The following GPC5 variants were observed in gnomAD, a reference collection of about 807,000 sequenced individuals.
GPC5 encodes the protein glypican 5, also known as glypican-5.
In GPC5, 47 loss-of-function variants were observed where a neutral mutation model predicts 53.9. The observed-to-expected ratio is 0.87, with a 90% CI of 0.69 to 1.11. GPC5 has a LOEUF of 1.11. GPC5 is among the 50% of genes most tolerant of loss of function. The pLI is 0.00. For missense variants in GPC5, 748 were observed against 713.1 expected (o/e 1.05, Z -0.56); for synonymous variants, 286 against 263.3 (o/e 1.09, Z -0.84).
At chr13:92,281,094 G>A (rs1228968048) in intron 7 of GPC5, among the ~76,000 whole-genome samples, 2 of 152,334 alleles carry the variant, frequency 1.3e-5, no homozygotes, top group African/African-American at 4.8e-5. Context: ...CACACTGGGA[G>A]ATAATATCCC....
chr13:91,620,782 G>C (rs568850336), intron 2 of GPC5, among the ~76,000 whole-genome samples: 1 of 152,238 alleles, frequency 6.6e-6, no homozygotes, highest in South Asian at 2.1e-4. Flanking sequence ...TTGGTCTGGA[G>C]GTTGGAAGTG....
At chr13:92,714,593 G>C (rs115512292) in intron 7 of GPC5, among the ~76,000 whole-genome samples, 14 of 152,016 alleles carry the variant, frequency 9.2e-5, no homozygotes, top group Non-Finnish European at 1.5e-4. Flanking sequence ...AGATATCATC[G>C]TTCTCTCTTT....
chr13:92,411,074 AAAAC>A (rs572830782), intron 7 of GPC5, among the ~76,000 whole-genome samples: 6 of 152,228 alleles, frequency 3.9e-5, no homozygotes, highest in Middle Eastern at 3.4e-3. Context: ...CTGTCTCTCC[AAAAC>A]AAACAAACAA....
chr13:91,404,557 T>G (rs1566366725), intron 1 of GPC5, among the ~76,000 whole-genome samples: 2 of 152,220 alleles, frequency 1.3e-5, no homozygotes, highest in African/African-American at 4.8e-5. Flanking sequence ...CTTTTCAGTT[T>G]TAGTAAATCT....
At chr13:91,718,133 T>C (rs970786829) in intron 3 of GPC5, among the ~76,000 whole-genome samples, 6 of 151,752 alleles carry the variant, frequency 4.0e-5, no homozygotes, top group African/African-American at 1.5e-4. Context: ...GTTGTTGAGA[T>C]GGAGTCTCTC....
At chr13:92,014,284 G>A (rs1422177797) in intron 6 of GPC5, among the ~76,000 whole-genome samples, 2 of 152,276 alleles carry the variant, frequency 1.3e-5, no homozygotes, top group Non-Finnish European at 1.5e-5. Flanking sequence ...TTTCTTGCTT[G>A]ATATGCTGAT....
chr13:91,442,381 C>CT, intron 1 of GPC5, among the ~76,000 whole-genome samples: 1 of 152,256 alleles, frequency 6.6e-6, no homozygotes, highest in South Asian at 2.1e-4. Context: ...TATGTCTCTC[C>CT]TTTTTTATTG....
intron 7 of GPC5, among the ~76,000 whole-genome samples, chr13:92,443,147 T>C (rs577734258): frequency 1.3e-4 from 20 of 152,282 alleles, no homozygotes; most frequent in African/African-American, 4.3e-4. Flanking sequence ...TGTCACATGG[T>C]GTGAGAGCAA....
At chr13:92,233,705 C>T (rs571409685) in intron 7 of GPC5, among the ~76,000 whole-genome samples, 9 of 151,986 alleles carry the variant, frequency 5.9e-5, no homozygotes, top group East Asian at 5.8e-4. Context: ...ATGTGCACAA[C>T]GTGCAGATGA....
intron 7 of GPC5, among the ~76,000 whole-genome samples, chr13:92,253,689 CTAAG>C (rs530692383): frequency 8.9e-4 from 135 of 151,392 alleles, no homozygotes; most frequent in Non-Finnish European, 1.7e-3. Context: ...TTAAAATACT[CTAAG>C]TAAGTGAATA....
chr13:91,835,051 A>AAAAAAAATC (rs2038707552), intron 5 of GPC5, among the ~76,000 whole-genome samples: 1 of 151,616 alleles, frequency 6.6e-6, no homozygotes, highest in Admixed American at 6.6e-5. Context: ...AATTTACAAG[A>AAAAAAAATC]AAACAACCCC....
At chr13:91,610,472 G>A (rs1408429478) in intron 2 of GPC5, among the ~76,000 whole-genome samples, 3 of 152,116 alleles carry the variant, frequency 2.0e-5, no homozygotes, top group African/African-American at 7.2e-5. Flanking sequence ...AAAGGGATAG[G>A]CTATTAAGAA....
At chr13:91,754,209 G>A (rs1389592990) in intron 4 of GPC5, among the ~76,000 whole-genome samples, 1 of 152,102 alleles carries the variant, frequency 6.6e-6, no homozygotes, top group Non-Finnish European at 1.5e-5. Context: ...TAGATAAAAT[G>A]CTGTAGAGAA....
chr13:92,367,312 T>G (rs9589522), intron 7 of GPC5, among the ~76,000 whole-genome samples: 43,744 of 152,088 alleles, frequency 0.29, 6,492 homozygotes, highest in South Asian at 0.4. Context: ...CAAACAATAT[T>G]TAATTTTAAT....
At chr13:92,706,000 A>G (rs1961287157) in intron 7 of GPC5, 1 of 151,870 alleles carries the variant, frequency 6.6e-6, no homozygotes, top group Non-Finnish European at 1.5e-5. Context: ...AGGTGGAAGG[A>G]TCCCTTGAGC....
intron 5 of GPC5, among the ~76,000 whole-genome samples, chr13:91,845,494 T>C (rs1411718986): frequency 6.6e-6 from 1 of 152,182 alleles, no homozygotes; most frequent in Non-Finnish European, 1.5e-5. Flanking sequence ...TAAGAACACT[T>C]AAGATCTGCT....
chr13:92,200,785 G>A (rs1327781566), intron 7 of GPC5, among the ~76,000 whole-genome samples: 2 of 152,206 alleles, frequency 1.3e-5, no homozygotes, highest in Non-Finnish European at 2.9e-5. Context: ...GACGAGCCCT[G>A]GTCAGGTGGC....
chr13:91,503,772 C>T (rs1447163650), intron 2 of GPC5, among the ~76,000 whole-genome samples: 1 of 106,078 alleles, frequency 9.4e-6, no homozygotes, highest in East Asian at 2.6e-4. Flanking sequence ...GAGTGAGACT[C>T]TGTCTCAAAA....
At chr13:91,403,508 G>A (rs1298727670) in intron 1 of GPC5, among the ~76,000 whole-genome samples, 1 of 152,230 alleles carries the variant, frequency 6.6e-6, no homozygotes, top group African/African-American at 2.4e-5. Context: ...GTAGTAGCTA[G>A]TGCTGGTTAA....
Sources: allele counts gnomAD v4.1 joint callset (sites outside exome capture counted in the v4.1 genomes callset), GRCh38; gene constraint gnomAD v4.1.1; transcripts MANE v1.5; gene names NCBI Gene and HGNC (gene_info 2026-07-23, HGNC 2026-07-21).